SCTR: variants seen among roughly 807,000 people sequenced by gnomAD.
The protein encoded by SCTR is secretin receptor.
A neutral mutation model predicts 60.8 loss-of-function variants in SCTR; 56 were observed. The observed-to-expected ratio is 0.92, with a 90% CI of 0.74 to 1.15. SCTR has a LOEUF of 1.15. SCTR is among the 50% of genes most tolerant of loss of function. SCTR has a pLI of 0.00. For missense variants in SCTR, 562 were observed against 550.4 expected (o/e 1.02, Z -0.21); for synonymous variants, 202 against 217.0 (o/e 0.93, Z 0.61).
At chr2:119,519,029 A>G (rs1220209173) in intron 1 of SCTR, among the ~76,000 whole-genome samples, 2 of 152,032 alleles carry the variant, frequency 1.3e-5, no homozygotes, top group Non-Finnish European at 2.9e-5. Flanking sequence ...GTACAATGGC[A>G]TGATCTCAGC....
chr2:119,468,937 T>C (rs545107004), intron 4 of SCTR, among the ~76,000 whole-genome samples: 2 of 152,052 alleles, frequency 1.3e-5, no homozygotes, highest in East Asian at 1.9e-4. Flanking sequence ...TGAGCTCCAG[T>C]TGGGGGAAGT....
At chr2:119,514,208 C>T (rs1039668326) in intron 1 of SCTR, among the ~76,000 whole-genome samples, 4 of 152,202 alleles carry the variant, frequency 2.6e-5, no homozygotes, top group African/African-American at 9.7e-5. Flanking sequence ...ACAACTGCCC[C>T]CTGGGAAGAA....
At chr2:119,482,417 A>G (rs2579627) in intron 2 of SCTR, among the ~76,000 whole-genome samples, 118,077 of 152,184 alleles carry the variant, frequency 0.78, 46,880 homozygotes, top group South Asian at 0.87. Flanking sequence ...GGCAGGCTGC[A>G]ACCATGAGCA....
At chr2:119,498,512 G>A (rs1174084002) in intron 1 of SCTR, among the ~76,000 whole-genome samples, 2 of 152,034 alleles carry the variant, frequency 1.3e-5, no homozygotes, top group African/African-American at 2.4e-5. Flanking sequence ...AATGATTGAA[G>A]CAAAAATTAC....
chr2:119,480,265 T>C (rs535308646), intron 2 of SCTR, among the ~76,000 whole-genome samples: 1 of 152,152 alleles, frequency 6.6e-6, no homozygotes, highest in Non-Finnish European at 1.5e-5. Context: ...GGACTCACAG[T>C]TTCACATAGC....
At position 119,440,475 on chromosome 2, in the gene SCTR, A is replaced by G. The variant is rs554232726; in HGVS notation, c.1183-218T>C. On this transcript the variant is annotated intron_variant, in intron 12 of 12. Transcript: ENST00000019103. ...GGGCACATGCACCTGCAATCTCATT[A>G]CATCGTGTCTTAAAGAAAGGACTTG... is the stretch of plus-strand genomic sequence containing the variant. 6.6e-5 allele frequency among the ~76,000 whole-genome samples: 10 copies of G among 152,334 alleles called. No individual in the cohort carries two copies. The South Asian group carries it at 1.9e-3, about 28-fold the overall frequency.
Position 119,494,996 on chromosome 2 carries a change from G to A in SCTR, c.73-448C>T, listed in dbSNP as rs145935055. ...GTCACTCAGGCTGGAGTGCAGTGGT[G>A]TGATCATAGCTCACTGCAGCCTTGA... On this transcript the variant is annotated intron_variant, in intron 1 of 12. Coordinates refer to ENST00000019103, the MANE Select transcript of SCTR (RefSeq NM_002980.3). Among the ~76,000 whole-genome samples, 538 of 152,192 alleles carry A rather than the reference G, an allele frequency of 3.5e-3. 1 individual carries two copies. Among genetic ancestry groups the A allele is most frequent in the Admixed American group, 7.7e-3 (118 of 15,280 alleles).
In SCTR at chr2:119,474,534, G is replaced by C. The variant is rs75781474; in HGVS notation, c.302-978C>G. Among the ~76,000 whole-genome samples the C allele has an allele frequency of 2.1e-3, 325 of 152,304 alleles. 10 individuals carry two copies. The East Asian group carries it at 0.048, about 23-fold the overall frequency. Reference sequence around the variant, plus strand: ...CTCAGGCCGGTGTAAGTGTTGCAGGGGGCAGGATGCTGATGGCCGAGTCCT... The same window carrying C: ...CTCAGGCCGGTGTAAGTGTTGCAGGCGGCAGGATGCTGATGGCCGAGTCCT... On this transcript the variant is annotated intron_variant, in intron 3 of 12. Coordinates refer to ENST00000019103, the MANE Select transcript of SCTR (RefSeq NM_002980.3).
At chr2:119,478,349 G>A (rs189437237) in intron 3 of SCTR, among the ~76,000 whole-genome samples, 72 of 152,214 alleles carry the variant, frequency 4.7e-4, no homozygotes, top group African/African-American at 1.6e-3. Context: ...ACAACCCCTC[G>A]CCCCAGGAGG....
rs371863937 is a variant in SCTR, at chr2:119,446,866, G to C, written c.1033C>G (p.Leu345Val). The C allele has an allele frequency of 1.3e-4, 199 of 1,561,686 alleles. No individual in the cohort carries two copies. The highest frequency in any genetic ancestry group is 1.6e-4 in the Non-Finnish European group (180 of 1,152,832). Residue 345 changes from leucine (L) to valine (V), a missense_variant, in exon 11 of 13, where the codon CTC (leucine) becomes GTC (valine). Transcript: ENST00000019103. ...ATGCCAAAGAGGGGGATCAGCAGGA[G>C]AGTGGACCTGGCCAGGCGCCTGGGG... is the stretch of plus-strand genomic sequence containing the variant. ...SHYKRLARST[L>V]LLIPLFGIHY... is the part of the protein sequence containing the mutation.
At chr2:119,447,336 T>A (rs529821704) in intron 10 of SCTR, among the ~76,000 whole-genome samples, 3 of 152,154 alleles carry the variant, frequency 2.0e-5, no homozygotes, top group Non-Finnish European at 4.4e-5. Context: ...GAATCCCCAG[T>A]TAAATCTGAA....
chr2:119,456,948 GAT>G (rs1683398104), intron 7 of SCTR, among the ~76,000 whole-genome samples: 1 of 152,200 alleles, frequency 6.6e-6, no homozygotes, highest in South Asian at 2.1e-4. Flanking sequence ...GTAGGAAAGA[GAT>G]ATGGGAGGGA....
intron 11 of SCTR, among the ~76,000 whole-genome samples, chr2:119,444,500 C>T (rs1271617553): frequency 2.2e-5 from 2 of 90,722 alleles, no homozygotes; most frequent in Admixed American, 2.1e-4. Context: ...CACATATATA[C>T]GTACGTATAT....
chr2:119,467,219 A>G (rs1384971993), intron 4 of SCTR, among the ~76,000 whole-genome samples: 1 of 152,092 alleles, frequency 6.6e-6, no homozygotes, highest in African/African-American at 2.4e-5. Flanking sequence ...TCTCTACCAA[A>G]AATACAAAAA....
rs1424906988 is a variant in SCTR, at chr2:119,524,268, C to G, written c.-42G>C. ...CCGAGGGCGCCCCGACGTCCGCCTG[C>G]CCGTGCCCTCTGCCCGCTCGGGAGC... On this transcript the variant is annotated 5_prime_UTR_variant, in exon 1 of 13. Transcript: ENST00000019103. The G allele has an allele frequency of 7.5e-7, 1 of 1,326,378 alleles. No homozygotes were observed. Among genetic ancestry groups the G allele is most frequent in the Non-Finnish European group, 9.9e-7 (1 of 1,013,824 alleles). 82.2% of individuals were successfully genotyped at this position (1,326,378 alleles called of 1,614,324 possible). A position where few individuals can be genotyped will look rare whatever the true frequency, so the allele number is the denominator to read the frequency against.
Position 119,440,189 on chromosome 2 carries a change from G to T in SCTR, c.1251C>A (p.Ala417=), listed in dbSNP as rs1682602636. The change falls in exon 13 of 13, where the codon GCC becomes GCA. Residue 417 remains alanine, a synonymous_variant. Transcript: ENST00000019103. ...HLREFPLHPV[A]SFSNSTKASH... Reference sequence around the variant, plus strand: ...TGGCCTTGGTGCTGTTGCTGAAGGAGGCCACGGGGTGCAGTGGGAACTCAC... The same window carrying T: ...TGGCCTTGGTGCTGTTGCTGAAGGATGCCACGGGGTGCAGTGGGAACTCAC... 1 of 1,614,088 alleles carries T rather than the reference G, an allele frequency of 6.2e-7. No homozygotes were observed. The highest frequency in any genetic ancestry group is 8.5e-7 in the Non-Finnish European group (1 of 1,179,998).
Position 119,524,234 on chromosome 2 carries a change from G to A in SCTR, c.-8C>T. ...CGACAGGTGGGGACGCATGGTGCCC[G>A]CACGTTCCCCGAGGGCGCCCCGACG... On this transcript the variant is annotated 5_prime_UTR_variant, in exon 1 of 13. Coordinates refer to ENST00000019103, the MANE Select transcript of SCTR (RefSeq NM_002980.3). The A allele has an allele frequency of 4.1e-6, 6 of 1,451,952 alleles. No homozygotes were observed. Among genetic ancestry groups the A allele is most frequent in the Non-Finnish European group, 5.5e-6 (6 of 1,099,930 alleles). 89.9% of individuals were successfully genotyped at this position (1,451,952 alleles called of 1,614,324 possible). A position where few individuals can be genotyped will look rare whatever the true frequency, so the allele number is the denominator to read the frequency against.
chr2:119,469,263 G>A (rs1653564289), intron 4 of SCTR, among the ~76,000 whole-genome samples: 1 of 152,230 alleles, frequency 6.6e-6, no homozygotes, highest in Admixed American at 6.5e-5. Flanking sequence ...CTCACTCCTG[G>A]GGATACCTGG....
chr2:119,481,332 T>G (rs1573874139), intron 2 of SCTR, among the ~76,000 whole-genome samples: 1 of 152,330 alleles, frequency 6.6e-6, no homozygotes, highest in African/African-American at 2.4e-5. Context: ...GAAATCTCCC[T>G]GGTGACCTGT....
Sources: allele counts gnomAD v4.1 joint callset (sites outside exome capture counted in the v4.1 genomes callset), GRCh38; gene constraint gnomAD v4.1.1; transcripts MANE v1.5; gene names NCBI Gene and HGNC (gene_info 2026-07-23, HGNC 2026-07-21).